SNRPN: variants seen among roughly 807,000 people sequenced by gnomAD.
The protein encoded by SNRPN is small nuclear ribonucleoprotein polypeptide N.
Under a neutral mutation model 25.2 loss-of-function variants are expected in SNRPN, and 7 were observed. The ratio of observed to expected loss-of-function variants is 0.28; its 90% CI spans 0.16 to 0.52. The LOEUF (loss-of-function observed/expected upper bound fraction) is 0.52, where lower values mean the gene tolerates loss of function less well. SNRPN is among the 20% of genes least tolerant of loss of function. The probability of loss-of-function intolerance (pLI) is 0.96; values close to 1 mark genes in which losing one functional copy is unlikely to be tolerated. For synonymous variants in SNRPN, 124 were observed against 110.6 expected, an observed-to-expected ratio of 1.12 and a Z score of -0.76; for missense variants, 196 against 322.5, an observed-to-expected ratio of 0.61 and a Z score of 3.00.
Position 24,974,684 on chromosome 15 carries a change from G to A in SNRPN, c.3+228G>A, listed in dbSNP as rs759273374. 4.9e-6 allele frequency: 3 copies of A among 617,176 alleles called. No individual in the cohort carries two copies. In the South Asian group the frequency reaches 5.9e-5, roughly 12 times the overall value. 38.2% of individuals were successfully genotyped at this position (617,176 alleles called of 1,614,324 possible). A position where few individuals can be genotyped will look rare whatever the true frequency, so the allele number is the denominator to read the frequency against. On this transcript the variant is annotated intron_variant, in intron 4 of 9. Coordinates refer to ENST00000390687, the MANE Select transcript of SNRPN (RefSeq NM_003097.6). ...CTCCCAGTCTGGAGTGCAGTGGTGC[G>A]GTCTTGGCTCACTGCAACCCTGGGT...
chr15:24,829,775 C>A, intron 1 of SNRPN: 1 of 152,350 alleles, frequency 6.6e-6, no homozygotes, highest in Non-Finnish European at 1.5e-5. Context: ...AAAGAACTTT[C>A]TTTCCTGTCT....
intron 1 of SNRPN, among the ~76,000 whole-genome samples, chr15:24,829,424 G>A (rs1336344222): frequency 6.6e-6 from 1 of 152,044 alleles, no homozygotes; most frequent in Non-Finnish European, 1.5e-5. Context: ...CTGTGGCACA[G>A]GCCAGGGCAT....
chr15:24,908,673 A>G (rs1470772149), intron 2 of SNRPN, among the ~76,000 whole-genome samples: 1 of 144,302 alleles, frequency 6.9e-6, no homozygotes. Flanking sequence ...GGAGTAACTC[A>G]CCATACCAAC....
At chr15:24,834,751 C>CTCTATA in intron 2 of SNRPN, among the ~76,000 whole-genome samples, 12 of 60,954 alleles carry the variant, frequency 2.0e-4, no homozygotes, top group East Asian at 7.5e-4. Context: ...CTCTCTCTCT[C>CTCTATA]TATATATATA....
Position 24,978,337 on chromosome 15 carries a change from G to T in SNRPN, c.685+19G>T. On this transcript the variant is annotated intron_variant, in intron 9 of 9. Transcript: ENST00000390687. ...ATTAGAGGTGAGTGGGAGCATAGGG[G>T]TTTGATGGTTCAGCCAGGCCCCTGA... 6.2e-7 allele frequency: 1 copy of T among 1,614,080 alleles called. No individual in the cohort carries two copies. Among genetic ancestry groups the T allele is most frequent in the Non-Finnish European group, 8.5e-7 (1 of 1,179,980 alleles).
chr15:24,934,613 C>T (rs908205117), intron 3 of SNRPN, among the ~76,000 whole-genome samples: 3 of 152,214 alleles, frequency 2.0e-5, no homozygotes, highest in African/African-American at 7.2e-5. Flanking sequence ...GGCTATAAAG[C>T]AGTGGCGTCA....
intron 2 of SNRPN, 35 bp from the exon 3 acceptor site, chr15:24,967,897 T>C (rs1219355922): frequency 6.4e-7 from 1 of 1,558,480 alleles, no homozygotes; most frequent in Non-Finnish European, 8.9e-7. Flanking sequence ...ACAAATGTAT[T>C]TTTATCATTT....
chr15:24,830,929 T>G (rs543824331), intron 2 of SNRPN, among the ~76,000 whole-genome samples: 2 of 152,020 alleles, frequency 1.3e-5, no homozygotes, highest in Non-Finnish European at 2.9e-5. Context: ...TAGATGTCAA[T>G]TATATCCAAT....
chr15:24,866,439 C>T (rs80106324), intron 1 of SNRPN, among the ~76,000 whole-genome samples: 2 of 152,084 alleles, frequency 1.3e-5, no homozygotes, highest in African/African-American at 2.4e-5. Flanking sequence ...CGCTCTGCAC[C>T]TAGGCTGGAG....
chr15:24,877,513 A>C (rs1337634739), intron 1 of SNRPN, among the ~76,000 whole-genome samples: 2 of 152,246 alleles, frequency 1.3e-5, no homozygotes, highest in African/African-American at 4.8e-5. Context: ...CATAATGCAT[A>C]GATGCTGTGG....
intron 3 of SNRPN, chr15:24,968,650 G>C (rs982150176): frequency 2.6e-5 from 4 of 152,526 alleles, no homozygotes; most frequent in African/African-American, 9.7e-5. Context: ...GTTTATGTCA[G>C]TGAATTATAA....
chr15:24,898,290 T>G (rs1171199489), intron 2 of SNRPN, among the ~76,000 whole-genome samples: 2 of 152,210 alleles, frequency 1.3e-5, no homozygotes, highest in Admixed American at 1.3e-4. Context: ...CTCATTGGCA[T>G]ATAAGTAGTA....
intron 1 of SNRPN, among the ~76,000 whole-genome samples, chr15:24,828,308 C>A (rs1267562225): frequency 2.0e-5 from 3 of 152,084 alleles, no homozygotes; most frequent in Non-Finnish European, 4.4e-5. Flanking sequence ...CCGTTGACAT[C>A]CATTCTGTAG....
At chr15:24,930,450 C>T (rs888733488) in intron 3 of SNRPN, among the ~76,000 whole-genome samples, 6 of 151,536 alleles carry the variant, frequency 4.0e-5, no homozygotes, top group Non-Finnish European at 5.9e-5. Flanking sequence ...TTCACCTATA[C>T]CTTATTAGAA....
chr15:24,861,821 A>G (rs563757280), intron 1 of SNRPN, among the ~76,000 whole-genome samples: 2 of 152,354 alleles, frequency 1.3e-5, no homozygotes, highest in South Asian at 4.1e-4. Flanking sequence ...TTTTAGTCAC[A>G]TCAAAATATA....
intron 2 of SNRPN, among the ~76,000 whole-genome samples, chr15:24,889,428 G>C (rs1397269804): frequency 6.6e-6 from 1 of 151,856 alleles, no homozygotes; most frequent in African/African-American, 2.4e-5. Context: ...TCAGCCTCCT[G>C]AGTAGCTGGG....
upstream of SNRPN, among the ~76,000 whole-genome samples, chr15:24,954,651 G>A (rs1057188990): frequency 1.3e-5 from 2 of 152,360 alleles, no homozygotes; most frequent in African/African-American, 4.8e-5. Context: ...CTGAGGGTGA[G>A]TGTAAATTAG....
intron 2 of SNRPN, among the ~76,000 whole-genome samples, chr15:24,964,106 T>G (rs1463104641): frequency 6.6e-6 from 1 of 151,610 alleles, no homozygotes; most frequent in Non-Finnish European, 1.5e-5. Context: ...TTTTTTTTTA[T>G]TTTTTCCTAT....
intron 2 of SNRPN, among the ~76,000 whole-genome samples, chr15:24,964,176 T>G (rs1009757326): frequency 2.0e-5 from 3 of 152,232 alleles, no homozygotes; most frequent in Non-Finnish European, 4.4e-5. Flanking sequence ...TTTTTAAAAT[T>G]GCTTTGGAAG....
Sources: allele counts gnomAD v4.1 joint callset (sites outside exome capture counted in the v4.1 genomes callset), GRCh38; gene constraint gnomAD v4.1.1; transcripts MANE v1.5; gene names NCBI Gene and HGNC (gene_info 2026-07-23, HGNC 2026-07-21).